The following NBPF9 variants were observed in gnomAD, a reference collection of about 807,000 sequenced individuals.
NBPF9 encodes the protein NBPF member 9, also known as NBPF family member NBPF9.
In NBPF9, 91 loss-of-function variants were observed where a neutral mutation model predicts 97.8. The observed-to-expected ratio is 0.93, with a 90% confidence interval of 0.79 to 1.11. The LOEUF (loss-of-function observed/expected upper bound fraction) is 1.11. Ranked by LOEUF, NBPF9 falls within the 50% of genes least tolerant of loss-of-function variation. The pLI, the probability that NBPF9 is intolerant of heterozygous loss-of-function variation, is 0.00. For synonymous variants in NBPF9, 334 were observed against 359.5 expected (o/e 0.93, Z 0.80); for missense variants, 992 against 939.5 (o/e 1.06, Z -0.73).
At chr1:149,055,247 A>G (rs1387688234) in exon 30 of NBPF9, 58 of 305,340 alleles carry the variant, frequency 1.9e-4, no homozygotes, top group African/African-American at 1.2e-3. Flanking sequence ...TGAAGACACG[A>G]AGAATGAGGT....
At chr1:149,098,394 G>A in intron 4 of NBPF9, 44 bp downstream of exon 4, 1 of 1,188,652 alleles carries the variant, frequency 8.4e-7, no homozygotes, top group Non-Finnish European at 1.1e-6. Flanking sequence ...ATAGAAAAAG[G>A]ACTCTCTGAC....
At chr1:149,100,808 T>C (rs1433725657) in intron 3 of NBPF9, among the ~76,000 whole-genome samples, 2 of 151,502 alleles carry the variant, frequency 1.3e-5, no homozygotes, top group Non-Finnish European at 2.9e-5. Context: ...GGTGGCACAC[T>C]CCTATAGTCG....
At chr1:149,100,588 A>G (rs2082083269) in intron 3 of NBPF9, among the ~76,000 whole-genome samples, 2 of 151,966 alleles carry the variant, frequency 1.3e-5, no homozygotes, top group African/African-American at 2.4e-5. Flanking sequence ...AAGGAAAAGG[A>G]TAGTCTTTTC....
At chr1:149,085,150 G>A (rs2080885684) in intron 5 of NBPF9, among the ~76,000 whole-genome samples, 1 of 151,948 alleles carries the variant, frequency 6.6e-6, no homozygotes, top group Non-Finnish European at 1.5e-5. Flanking sequence ...TGGGCTGGGG[G>A]CCAGGGATAG....
chr1:149,070,839 T>C, intron 16 of NBPF9, 95 bp downstream of exon 16: 1 of 1,408,024 alleles, frequency 7.1e-7, no homozygotes, highest in Non-Finnish European at 1.0e-6. Flanking sequence ...TCACAGTTTT[T>C]TATTCAAATG....
exon 4 of NBPF9, chr1:149,098,583 G>T (rs2081942749): frequency 4.9e-6 from 7 of 1,421,586 alleles, no homozygotes; most frequent in South Asian, 3.1e-5. Context: ...CAGCATGGAG[G>T]CCAAGAACAC....
intron 9 of NBPF9, among the ~76,000 whole-genome samples, 172 bp downstream of exon 9, chr1:149,078,835 A>C (rs1484477658): frequency 1.5e-4 from 22 of 149,668 alleles, no homozygotes; most frequent in South Asian, 4.3e-4. Context: ...TGACCTCCAA[A>C]CCCATGGGTT....
At chr1:149,099,727 G>A (rs1321469418) in intron 3 of NBPF9, among the ~76,000 whole-genome samples, 30 of 152,102 alleles carry the variant, frequency 2.0e-4, no homozygotes, top group Admixed American at 3.3e-4. Context: ...GCTTATGCCT[G>A]TAATCCCAAC....
At position 149,061,914 on chromosome 1, in the gene NBPF9, C is replaced by T. The variant is rs1295966613; in HGVS notation, c.2251+179G>A. On this transcript the variant is annotated intron_variant, in intron 22 of 29. Coordinates refer to ENST00000584027, the Ensembl canonical transcript of NBPF9. The stretch of plus-strand genomic sequence containing the variant: ...CTAGGAATGGAGCCTTGCTCACTGA[C>T]CCATTTCATGTCTAGGCTTCCAGCT... 186 of 460,760 alleles carry T rather than the reference C, an allele frequency of 4.0e-4. 52 individuals are homozygous for T. Among genetic ancestry groups the T allele is most frequent in the Non-Finnish European group, 6.5e-4 (168 of 259,422 alleles). 28.5% of individuals were successfully genotyped at this position (460,760 alleles called of 1,614,324 possible). A position where few individuals can be genotyped will look rare whatever the true frequency, so the allele number is the denominator to read the frequency against.
intron 14 of NBPF9, 62 bp downstream of exon 14, chr1:149,072,656 G>T: frequency 6.5e-7 from 1 of 1,539,286 alleles, no homozygotes; most frequent in South Asian, 1.1e-5. Context: ...GTGAAAGTAT[G>T]GAGGTCTGGA....
intron 5 of NBPF9, among the ~76,000 whole-genome samples, chr1:149,087,783 T>C (rs1418344814): frequency 1.3e-5 from 2 of 151,340 alleles, no homozygotes; most frequent in Non-Finnish European, 2.9e-5. Context: ...AGCAATTTTT[T>C]GTAGTTTTTG....
rs1466517505 is a variant in NBPF9 at position 149,067,304 on chromosome 1, G to GTATA, written c.1638-1619_1638-1616dup. 1.6e-4 allele frequency among the ~76,000 whole-genome samples: 17 copies of GTATA among 105,670 alleles called. 2 individuals carry two copies. Among genetic ancestry groups the GTATA allele is most frequent in the South Asian group, 1.0e-3 (3 of 3,006 alleles). 69.3% of individuals were successfully genotyped at this position (105,670 alleles called of 152,430 possible). On this transcript the variant is annotated intron_variant, in intron 17 of 29. Transcript: ENST00000584027. ...CCTTTATTATTTTTTGTGTGTATGT[G>GTATA]TATATATATATATATATTTTTAATA...
chr1:149,087,915 C>T (rs1282440566), intron 5 of NBPF9, among the ~76,000 whole-genome samples: 6 of 146,518 alleles, frequency 4.1e-5, no homozygotes, highest in South Asian at 2.2e-4. Flanking sequence ...TCACTGTAAC[C>T]GCTGCCTCCC....
In NBPF9 at chr1:149,059,368, C is replaced by A. The variant is rs1257329255; in HGVS notation, c.2586-271G>T. On this transcript the variant is annotated intron_variant, in intron 25 of 29. Transcript: ENST00000584027. ...ACACACTGATGAAGGAGTAAAAGGA[C>A]ACTCTGAGTTCGTGCCCTCATGACA... is the stretch of plus-strand genomic sequence containing the variant. 3 of 446,154 alleles carry A rather than the reference C, an allele frequency of 6.7e-6. 1 individual carries two copies. The highest frequency in any genetic ancestry group is 1.2e-5 in the Non-Finnish European group (3 of 241,608). The allele number at this position is 446,154 out of a possible 1,614,324, so 27.6% of individuals were successfully genotyped here.
At chr1:149,072,220 C>T (rs1249659136) in intron 14 of NBPF9, among the ~76,000 whole-genome samples, 14 of 151,552 alleles carry the variant, frequency 9.2e-5, no homozygotes, top group Non-Finnish European at 1.6e-4. Context: ...CATCACACGG[C>T]GAGGGCCTTC....
chr1:149,098,026 G>A lies in NBPF9; in HGVS notation c.-337+412C>T, dbSNP rs587739602. Among the ~76,000 whole-genome samples, 27 of 152,168 alleles carry A rather than the reference G, an allele frequency of 1.8e-4. No individual in the cohort carries two copies. The South Asian group carries it at 5.4e-3, about 30-fold the overall frequency. On this transcript the variant is annotated intron_variant, in intron 4 of 29. Coordinates refer to ENST00000584027, the Ensembl canonical transcript of NBPF9. Reference sequence around the variant, plus strand: ...GGACAGTGCAGGGCCTTAGCCTGGGGGATGCAGGTGGACAGGGAGGGGGTG... The same window carrying A: ...GGACAGTGCAGGGCCTTAGCCTGGGAGATGCAGGTGGACAGGGAGGGGGTG...
At chr1:149,068,356 A>G (rs1420426956) in intron 17 of NBPF9, among the ~76,000 whole-genome samples, 1 of 151,312 alleles carries the variant, frequency 6.6e-6, no homozygotes, top group Non-Finnish European at 1.5e-5. Flanking sequence ...GTCAAGACCC[A>G]TCAGTGTGCT....
chr1:149,056,706 C>A, intron 28 of NBPF9, 86 bp from the exon 29 acceptor site: 1 of 19,440 alleles, frequency 5.1e-5, no homozygotes, highest in South Asian at 3.2e-4. Flanking sequence ...CACACAGGGA[C>A]CTCAGGCTCC....
intron 2 of NBPF9, among the ~76,000 whole-genome samples, chr1:149,101,795 T>C (rs1386723112): frequency 1.3e-5 from 2 of 152,126 alleles, no homozygotes; most frequent in Non-Finnish European, 2.9e-5. Context: ...CAACAGTATG[T>C]AATACTAAGT....
Sources: allele counts gnomAD v4.1 joint callset (sites outside exome capture counted in the v4.1 genomes callset), GRCh38; gene constraint gnomAD v4.1.1; transcripts MANE v1.5; gene names NCBI Gene and HGNC (gene_info 2026-07-23, HGNC 2026-07-21).